Variants in DGKB observed in about 807,000 individuals in gnomAD.
DGKB encodes the protein 90 kDa diacylglycerol kinase.
In DGKB, 67 loss-of-function variants were observed where a neutral mutation model predicts 114.3. That is an observed-to-expected ratio of 0.59 (90% confidence interval 0.48 to 0.72). DGKB has a LOEUF of 0.72. Ranked by LOEUF, DGKB falls within the 30% of genes least tolerant of loss-of-function variation. The pLI, the probability that DGKB is intolerant of heterozygous loss-of-function variation, is 0.00. For missense variants in DGKB, 907 were observed against 975.2 expected, an observed-to-expected ratio of 0.93 and a Z score of 0.93; for synonymous variants, 398 against 323.1, an observed-to-expected ratio of 1.23 and a Z score of -2.49.
intron 21 of DGKB, among the ~76,000 whole-genome samples, chr7:14,392,812 G>A (rs139681064): frequency 3.3e-5 from 5 of 152,014 alleles, no homozygotes; most frequent in African/African-American, 1.2e-4. Flanking sequence ...AGTCACATTC[G>A]ACTGACTAGA....
At chr7:14,498,140 C>A (rs909412698) in intron 20 of DGKB, among the ~76,000 whole-genome samples, 2 of 151,806 alleles carry the variant, frequency 1.3e-5, no homozygotes, top group African/African-American at 4.8e-5. Context: ...ATATCTATTT[C>A]TGCTTAATTT....
intron 13 of DGKB, among the ~76,000 whole-genome samples, chr7:14,668,292 T>G (rs1467348473): frequency 6.6e-6 from 1 of 152,094 alleles, no homozygotes; most frequent in Non-Finnish European, 1.5e-5. Flanking sequence ...TTGAGTAATA[T>G]TATATTCCAG....
chr7:14,315,134 G>T (rs895334028), intron 23 of DGKB, among the ~76,000 whole-genome samples: 2 of 143,710 alleles, frequency 1.4e-5, no homozygotes, highest in Non-Finnish European at 3.1e-5. Flanking sequence ...TGAAGGAAGC[G>T]CTAAACATGG....
intron 1 of DGKB, among the ~76,000 whole-genome samples, chr7:14,965,042 A>G (rs973060319): frequency 9.9e-5 from 15 of 152,160 alleles, no homozygotes; most frequent in African/African-American, 3.4e-4. Context: ...TTCCTTCTTC[A>G]TGATTGGTTT....
At chr7:14,875,784 T>C (rs911576043) in intron 1 of DGKB, among the ~76,000 whole-genome samples, 15 of 152,148 alleles carry the variant, frequency 9.9e-5, no homozygotes, top group Admixed American at 2.6e-4. Context: ...AACACAAATT[T>C]GTAAACTTTC....
At chr7:14,807,262 A>G (rs952163685) in intron 2 of DGKB, among the ~76,000 whole-genome samples, 2 of 151,926 alleles carry the variant, frequency 1.3e-5, no homozygotes, top group Non-Finnish European at 2.9e-5. Context: ...TTCACCTACT[A>G]TATTTTAGGT....
intron 2 of DGKB, among the ~76,000 whole-genome samples, chr7:14,801,076 T>G (rs1463799511): frequency 6.6e-6 from 1 of 152,212 alleles, no homozygotes; most frequent in Non-Finnish European, 1.5e-5. Context: ...TGAATAAGTG[T>G]ATGTGCATGT....
chr7:14,320,384 C>T (rs10215596), intron 23 of DGKB, among the ~76,000 whole-genome samples: 13,156 of 152,148 alleles, frequency 0.086, 633 homozygotes, highest in East Asian at 0.14. Context: ...CCAAGTAGCA[C>T]GTCCAGAGCT....
chr7:14,953,257 A>G (rs1169381792), intron 1 of DGKB, among the ~76,000 whole-genome samples: 1 of 152,114 alleles, frequency 6.6e-6, no homozygotes, highest in Non-Finnish European at 1.5e-5. Context: ...ATCATCAAAA[A>G]AACTGAAGCA....
chr7:14,425,062 T>C (rs1583841668), intron 21 of DGKB, among the ~76,000 whole-genome samples: 3 of 152,206 alleles, frequency 2.0e-5, no homozygotes, highest in Admixed American at 2.0e-4. Context: ...ATATAGAACA[T>C]TAACAATATT....
At chr7:14,199,066 G>A (rs74591997) in intron 23 of DGKB, among the ~76,000 whole-genome samples, 13,646 of 151,898 alleles carry the variant, frequency 0.09, 840 homozygotes, top group Admixed American at 0.18. Flanking sequence ...AAGAGAAATG[G>A]TACTGACCTT....
intron 23 of DGKB, among the ~76,000 whole-genome samples, chr7:14,314,209 C>G (rs531314533): frequency 0.011 from 1,646 of 152,220 alleles, 35 homozygotes; most frequent in African/African-American, 0.038. Context: ...ACTGGAAACT[C>G]TAAAAATCAG....
chr7:14,620,345 A>G (rs962471869), intron 15 of DGKB, among the ~76,000 whole-genome samples: 2 of 151,368 alleles, frequency 1.3e-5, no homozygotes, highest in African/African-American at 2.4e-5. Context: ...AATATTTAAT[A>G]AATTATTATT....
Position 14,146,971 on chromosome 7 carries a change from A to G in DGKB, c.*2160T>C, listed in dbSNP as rs1053298134. On this transcript the variant is annotated 3_prime_UTR_variant, in exon 26 of 26. Transcript: ENST00000402815. Reference sequence around the variant, plus strand: ...TGTTGCTGCCTTCAAACTATATACTATAAAAGGTAGCCAAGACATAATTGT... The same window carrying G: ...TGTTGCTGCCTTCAAACTATATACTGTAAAAGGTAGCCAAGACATAATTGT... The G allele has an allele frequency of 1.3e-5, 2 of 152,184 alleles. No homozygotes were observed. The highest frequency in any genetic ancestry group is 4.8e-5 in the African/African-American group (2 of 41,462). The allele number at this position is 152,184 out of a possible 1,614,324, so 9.4% of individuals were successfully genotyped here.
intron 5 of DGKB, among the ~76,000 whole-genome samples, chr7:14,728,562 C>A (rs968334979): frequency 1.3e-5 from 2 of 152,110 alleles, no homozygotes; most frequent in Admixed American, 6.6e-5. Flanking sequence ...AGGCCATGCC[C>A]GATACTTACA....
intron 5 of DGKB, among the ~76,000 whole-genome samples, chr7:14,733,456 G>A (rs1167334977): frequency 6.6e-6 from 1 of 152,176 alleles, no homozygotes; most frequent in African/African-American, 2.4e-5. Flanking sequence ...GGAGGCTGAG[G>A]CGGGCAGATT....
intron 1 of DGKB, among the ~76,000 whole-genome samples, chr7:14,936,630 A>G (rs559494149): frequency 9.1e-4 from 139 of 152,306 alleles, no homozygotes; most frequent in Non-Finnish European, 1.5e-3. Context: ...GTCATAGCTC[A>G]GGATTGCAGG....
At chr7:14,602,383 T>C (rs556357306) in intron 17 of DGKB, among the ~76,000 whole-genome samples, 1 of 152,120 alleles carries the variant, frequency 6.6e-6, no homozygotes, top group Admixed American at 6.6e-5. Flanking sequence ...AACACGAATT[T>C]TGGGGGACCC....
chr7:14,514,884 A>G (rs1346605024), intron 20 of DGKB, among the ~76,000 whole-genome samples: 1 of 151,804 alleles, frequency 6.6e-6, no homozygotes, highest in Non-Finnish European at 1.5e-5. Context: ...GGAGACCACA[A>G]CTCTAGGGAA....
Sources: gnomAD v4.1 joint callset for allele counts (sites outside exome capture counted in the v4.1 genomes callset) on GRCh38, gnomAD v4.1.1 for gene constraint, MANE v1.5 for transcripts, NCBI Gene and HGNC (gene_info 2026-07-23, HGNC 2026-07-21) for gene names.